Variants in CEP57 observed in about 807,000 individuals in gnomAD.
CEP57 encodes centrosomal protein of 57 kDa.
A neutral mutation model predicts 68.0 loss-of-function variants in CEP57; 40 were observed. The ratio of observed to expected loss-of-function variants is 0.59; its 90% CI spans 0.46 to 0.77. CEP57 has a LOEUF of 0.77. Among genes scored for constraint, CEP57 ranks in the 30% least tolerant of loss-of-function variants. The pLI, the probability that CEP57 is intolerant of heterozygous loss-of-function variation, is 0.00. For synonymous variants in CEP57, 219 were observed against 198.7 expected (o/e 1.10, Z -0.86); for missense variants, 606 against 580.7 (o/e 1.04, Z -0.45).
intron 2 of CEP57, among the ~76,000 whole-genome samples, chr11:95,805,103 A>G (rs987927517): frequency 9.2e-5 from 14 of 152,240 alleles, no homozygotes; most frequent in African/African-American, 3.4e-4. Flanking sequence ...GTGCAGAAAT[A>G]AAGTATCAGC....
chr11:95,790,798 G>A, intron 1 of CEP57, 55 bp downstream of exon 1: 1 of 1,594,360 alleles, frequency 6.3e-7, no homozygotes, highest in East Asian at 2.2e-5. Context: ...GCCTCTTTGA[G>A]TTTCCTCACG....
At chr11:95,807,709 T>C (rs1591059372) in intron 2 of CEP57, among the ~76,000 whole-genome samples, 1 of 152,156 alleles carries the variant, frequency 6.6e-6, no homozygotes, top group African/African-American at 2.4e-5. Context: ...CCAAGAAATA[T>C]GGGACTATGA....
chr11:95,794,403 A>G, intron 1 of CEP57: 1 of 445,336 alleles, frequency 2.2e-6, no homozygotes, highest in South Asian at 1.6e-5. Context: ...AAATTGTTTT[A>G]CCAAGTGATT....
At chr11:95,823,755 A>G (rs549031067) in intron 8 of CEP57, among the ~76,000 whole-genome samples, 1 of 152,130 alleles carries the variant, frequency 6.6e-6, no homozygotes, top group Non-Finnish European at 1.5e-5. Context: ...GGGAGTATTC[A>G]CTTAAAATGC....
intron 1 of CEP57, among the ~76,000 whole-genome samples, chr11:95,795,008 G>T (rs1465843259): frequency 6.6e-6 from 1 of 152,134 alleles, no homozygotes; most frequent in Non-Finnish European, 1.5e-5. Context: ...TCCCTTTGTT[G>T]TATTTGTCTC....
At chr11:95,804,889 T>A (rs1178345698) in intron 2 of CEP57, among the ~76,000 whole-genome samples, 4 of 152,226 alleles carry the variant, frequency 2.6e-5, no homozygotes, top group Admixed American at 2.0e-4. Context: ...TTCAATCATG[T>A]GTTTTCTAAA....
chr11:95,794,559 A>G (rs1331738855), intron 1 of CEP57, among the ~76,000 whole-genome samples: 1 of 151,818 alleles, frequency 6.6e-6, no homozygotes, highest in Non-Finnish European at 1.5e-5. Context: ...GTTTTTTTCA[A>G]ACCTTTACTA....
intron 1 of CEP57, among the ~76,000 whole-genome samples, chr11:95,798,566 A>G (rs926694118): frequency 2.0e-5 from 3 of 152,204 alleles, no homozygotes; most frequent in African/African-American, 7.2e-5. Flanking sequence ...GTCTAGGACC[A>G]TCTGTCAGTA....
intron 8 of CEP57, chr11:95,826,150 C>T (rs1044520499): frequency 6.6e-6 from 1 of 152,296 alleles, no homozygotes; most frequent in African/African-American, 2.4e-5. Flanking sequence ...CAACCCTACC[C>T]TTCTGCCTAC....
chr11:95,793,408 C>T (rs1426944142), intron 1 of CEP57, among the ~76,000 whole-genome samples: 1 of 14,676 alleles, frequency 6.8e-5, no homozygotes, highest in Non-Finnish European at 1.3e-4. Context: ...ATTTGTCCCT[C>T]TGACTTTTGG....
chr11:95,793,392 C>T (rs935127895), intron 1 of CEP57, among the ~76,000 whole-genome samples: 2 of 79,986 alleles, frequency 2.5e-5, no homozygotes, highest in African/African-American at 1.1e-4. Context: ...ATGACCTAAT[C>T]TCTTGATTTG....
chr11:95,827,643 A>C, intron 8 of CEP57, 143 bp from the exon 9 acceptor site: 1 of 919,450 alleles, frequency 1.1e-6, no homozygotes, highest in Non-Finnish European at 1.7e-6. Context: ...TTCAAATAGA[A>C]GAACATCATG....
At position 95,831,232 on chromosome 11, in the gene CEP57, CA is replaced by C; in HGVS notation, c.1480del (p.Ser494ValfsTer10). ...AAAGCATACAGAATTCATTACAAAG[CA>C]GTAGTTTGTGTTGGGATTACTGACT... ...MQSIQNSLQS[S>X]SLCWDY On this transcript the variant is annotated frameshift_variant, in exon 11 of 11. Transcript: ENST00000325542. LOFTEE classifies it high-confidence loss of function. The C allele has an allele frequency of 6.2e-7, 1 of 1,612,628 alleles. No homozygotes were observed. The highest frequency in any genetic ancestry group is 1.1e-5 in the South Asian group (1 of 91,022).
At chr11:95,801,080 G>A (rs11021323) in intron 2 of CEP57, among the ~76,000 whole-genome samples, 4 of 152,014 alleles carry the variant, frequency 2.6e-5, no homozygotes. Flanking sequence ...GTTTCAGTTG[G>A]GATATATATT....
rs1440545103 is a variant in CEP57, at chr11:95,799,424, T to C, written c.202+36T>C. ...CTAACGAAATAAATGTTATTTGTGT[T>C]TTCTTGCTGCTTTAAAATTCTTAAC... On this transcript the variant is annotated intron_variant, in intron 2 of 10. Coordinates refer to ENST00000325542, the MANE Select transcript of CEP57 (RefSeq NM_014679.5). 2.5e-6 allele frequency: 4 copies of C among 1,606,962 alleles called. No individual in the cohort carries two copies. The East Asian group carries it at 8.9e-5, about 36-fold the overall frequency.
chr11:95,798,510 G>GTCA (rs1217939171), intron 1 of CEP57, among the ~76,000 whole-genome samples: 1 of 152,176 alleles, frequency 6.6e-6, no homozygotes, highest in African/African-American at 2.4e-5. Flanking sequence ...ATAGCTGGTA[G>GTCA]TCATATCTTC....
At chr11:95,793,265 A>G (rs1034815240) in intron 1 of CEP57, among the ~76,000 whole-genome samples, 14 of 152,242 alleles carry the variant, frequency 9.2e-5, no homozygotes, top group Admixed American at 1.3e-4. Context: ...GAAAGCAACT[A>G]TGATTGGGCA....
At chr11:95,790,381 G>C (rs1860953101), upstream of CEP57, 1 of 473,824 alleles carries the variant, frequency 2.1e-6, no homozygotes, top group Non-Finnish European at 3.8e-6. Context: ...TGCCCCAGCG[G>C]GCCCCGTTAC....
Position 95,790,615 on chromosome 11 carries a change from G to A in CEP57, c.-84G>A. 6.5e-7 allele frequency: 1 copy of A among 1,534,944 alleles called. No homozygotes were observed. ...AGGGGTTCAGCCTAGGGTCCCCGCT[G>A]GTGGGCGGCTCCCGAGTCTTGGAGA... is the stretch of plus-strand genomic sequence containing the variant. On this transcript the variant is annotated 5_prime_UTR_variant, in exon 1 of 11. Transcript: ENST00000325542.
Sources: gnomAD v4.1 joint callset for allele counts (sites outside exome capture counted in the v4.1 genomes callset) on GRCh38, gnomAD v4.1.1 for gene constraint, MANE v1.5 for transcripts, NCBI Gene and HGNC (gene_info 2026-07-23, HGNC 2026-07-21) for gene names.